LRP1B: variants seen among roughly 807,000 people sequenced by gnomAD.
The protein encoded by LRP1B is LDL receptor related protein 1B.
In LRP1B, 217 loss-of-function variants were observed where a neutral mutation model predicts 556.6. The ratio of observed to expected loss-of-function variants is 0.39; its 90% CI spans 0.35 to 0.44. The LOEUF (loss-of-function observed/expected upper bound fraction) is 0.44, where lower values mean the gene tolerates loss of function less well. Among genes scored for constraint, LRP1B ranks in the 20% least tolerant of loss-of-function variants. LRP1B has a pLI of 1.00. For synonymous variants in LRP1B, 2,047 were observed against 1,865.8 expected (o/e 1.10, Z -2.50); for missense variants, 5,053 against 5,620.8 (o/e 0.90, Z 3.23).
In LRP1B at chr2:140,275,665, G is replaced by A. The variant is rs532282783; in HGVS notation, c.12968-1067C>T. On this transcript the variant is annotated intron_variant, in intron 84 of 90. Transcript: ENST00000389484. ...AGGAAAGCAAACTGGGAGACTAACT[G>A]ATCCATCATTCATGGGGAATAATAA... 2.0e-4 allele frequency among the ~76,000 whole-genome samples: 31 copies of A among 152,074 alleles called. No individual in the cohort carries two copies. In the South Asian group the frequency reaches 5.2e-3, roughly 25 times the overall value.
chr2:141,287,649 A>G (rs1265346786), intron 3 of LRP1B, among the ~76,000 whole-genome samples: 1 of 152,148 alleles, frequency 6.6e-6, no homozygotes, highest in Non-Finnish European at 1.5e-5. Context: ...TTAATTGGCA[A>G]ATATTGAAGT....
intron 3 of LRP1B, among the ~76,000 whole-genome samples, chr2:141,359,882 AC>A (rs1295732826): frequency 1.2e-4 from 19 of 152,088 alleles, no homozygotes; most frequent in African/African-American, 4.6e-4. Context: ...AGCAGTGAAT[AC>A]TGGTAGCCAA....
At chr2:141,487,402 C>A (rs1013221065) in intron 2 of LRP1B, among the ~76,000 whole-genome samples, 5 of 152,118 alleles carry the variant, frequency 3.3e-5, no homozygotes, top group Non-Finnish European at 7.4e-5. Context: ...TAACTCCTGG[C>A]TAATTTCTAC....
intron 1 of LRP1B, among the ~76,000 whole-genome samples, chr2:142,072,816 A>G (rs1465021490): frequency 2.0e-5 from 3 of 152,068 alleles, no homozygotes; most frequent in African/African-American, 7.2e-5. Flanking sequence ...TATTAAATGA[A>G]TATGTATTGA....
chr2:141,005,259 TTCC>T, intron 15 of LRP1B, 73 bp downstream of exon 15: 4 of 1,490,944 alleles, frequency 2.7e-6, no homozygotes, highest in Non-Finnish European at 3.6e-6. Flanking sequence ...GTCATTTTAA[TTCC>T]TTTAGTTTCT....
At chr2:141,961,810 G>A (rs1324888628) in intron 1 of LRP1B, among the ~76,000 whole-genome samples, 4 of 151,646 alleles carry the variant, frequency 2.6e-5, no homozygotes, top group African/African-American at 9.7e-5. Context: ...AACAGGTGAA[G>A]CCACCAATGC....
At chr2:141,480,766 T>C (rs1046222941) in intron 2 of LRP1B, among the ~76,000 whole-genome samples, 1 of 152,170 alleles carries the variant, frequency 6.6e-6, no homozygotes, top group Non-Finnish European at 1.5e-5. Flanking sequence ...ATTAAAAACA[T>C]AAATATTCTT....
chr2:141,867,388 A>G (rs983567349), intron 1 of LRP1B, among the ~76,000 whole-genome samples: 24 of 152,268 alleles, frequency 1.6e-4, no homozygotes, highest in African/African-American at 5.5e-4. Flanking sequence ...CTCATTTAAA[A>G]GAAGACAATA....
chr2:140,995,254 C>T (rs1697209569), intron 15 of LRP1B, among the ~76,000 whole-genome samples: 1 of 151,976 alleles, frequency 6.6e-6, no homozygotes, highest in Non-Finnish European at 1.5e-5. Context: ...AACATTTCTG[C>T]TTTTTAGAAA....
At chr2:140,719,199 T>C (rs1370541163) in intron 35 of LRP1B, among the ~76,000 whole-genome samples, 1 of 152,036 alleles carries the variant, frequency 6.6e-6, no homozygotes, top group Non-Finnish European at 1.5e-5. Flanking sequence ...AATGAGGTAA[T>C]GTGATATGCT....
chr2:142,111,297 G>T (rs1450819155), intron 1 of LRP1B, among the ~76,000 whole-genome samples: 1 of 152,006 alleles, frequency 6.6e-6, no homozygotes, highest in East Asian at 1.9e-4. Context: ...GTGTATCATG[G>T]CCAGTGTTAT....
At chr2:141,285,440 G>A (rs1685672558) in intron 3 of LRP1B, among the ~76,000 whole-genome samples, 1 of 142,702 alleles carries the variant, frequency 7.0e-6, no homozygotes, top group African/African-American at 2.6e-5. Context: ...GAAAAGGTGA[G>A]AATAATTTTT....
intron 7 of LRP1B, among the ~76,000 whole-genome samples, chr2:141,149,408 AC>A (rs1280036216): frequency 6.6e-6 from 1 of 152,188 alleles, no homozygotes; most frequent in African/African-American, 2.4e-5. Context: ...TAGCCTAATA[AC>A]CTTTGCACCC....
At chr2:141,292,819 C>T (rs896048550) in intron 3 of LRP1B, among the ~76,000 whole-genome samples, 2 of 152,012 alleles carry the variant, frequency 1.3e-5, no homozygotes, top group Non-Finnish European at 2.9e-5. Flanking sequence ...CAACCAAATG[C>T]AATGTGAAAT....
At chr2:141,076,653 T>C (rs1699793727) in intron 7 of LRP1B, among the ~76,000 whole-genome samples, 1 of 152,180 alleles carries the variant, frequency 6.6e-6, no homozygotes, top group Non-Finnish European at 1.5e-5. Context: ...TGTAACCTTA[T>C]GAATAATAGC....
At chr2:140,854,521 C>A (rs1692557330) in intron 27 of LRP1B, among the ~76,000 whole-genome samples, 1 of 152,054 alleles carries the variant, frequency 6.6e-6, no homozygotes, top group South Asian at 2.1e-4. Flanking sequence ...AGTTTCTTTC[C>A]AAACAAGTGC....
rs77627555 is a variant in LRP1B, at chr2:141,068,308, T to C, written c.1014-6035A>G. On this transcript the variant is annotated intron_variant, in intron 7 of 90. Coordinates refer to ENST00000389484, the MANE Select transcript of LRP1B (RefSeq NM_018557.3). ...GGCAAAGAAAGAGAAAGGAAAATAG[T>C]TCTCTCTCCTGTGAGAAAGAGGGGT... 5.9e-3 allele frequency among the ~76,000 whole-genome samples: 900 copies of C among 151,992 alleles called. 11 individuals are homozygous for C. Among genetic ancestry groups the C allele is most frequent in the African/African-American group, 0.02 (849 of 41,494 alleles).
chr2:141,721,330 T>C (rs75502173), intron 2 of LRP1B, among the ~76,000 whole-genome samples: 4,834 of 152,262 alleles, frequency 0.032, 144 homozygotes, highest in Admixed American at 0.062. Context: ...AAAGAAGCAT[T>C]TGAGTACTCT....
chr2:141,204,378 G>A (rs1414112648), intron 6 of LRP1B, among the ~76,000 whole-genome samples: 1 of 152,160 alleles, frequency 6.6e-6, no homozygotes, highest in Non-Finnish European at 1.5e-5. Context: ...TAGAACATCT[G>A]TGAATTGGGG....
Sources: allele counts gnomAD v4.1 joint callset (sites outside exome capture counted in the v4.1 genomes callset), GRCh38; gene constraint gnomAD v4.1.1; transcripts MANE v1.5; gene names NCBI Gene and HGNC (gene_info 2026-07-23, HGNC 2026-07-21).